MTTP: variants seen among roughly 807,000 people sequenced by gnomAD.
MTTP encodes microsomal triglyceride transfer protein.
Under a neutral mutation model 90.6 loss-of-function variants are expected in MTTP, and 49 were observed. The ratio of observed to expected loss-of-function variants is 0.54; its 90% CI spans 0.43 to 0.69. MTTP has a LOEUF of 0.69. MTTP is among the 30% of genes least tolerant of loss of function. The probability of loss-of-function intolerance (pLI) is 0.00; values close to 1 mark genes in which losing one functional copy is unlikely to be tolerated. For synonymous variants in MTTP, 347 were observed against 384.2 expected (o/e 0.90, Z 1.13); for missense variants, 945 against 1,067.5 (o/e 0.89, Z 1.60).
In MTTP at chr4:99,586,869, C is replaced by T. The variant is rs1036890450; in HGVS notation, c.394-2774C>T. 5.9e-5 allele frequency among the ~76,000 whole-genome samples: 9 copies of T among 152,252 alleles called. No homozygotes were observed. In the South Asian group the frequency reaches 1.9e-3, roughly 32 times the overall value. ...TGGAAGAGGCACTGTACCACCTTCC[C>T]AGCCATTTTACCCAGTCTCCCTCTA... On this transcript the variant is annotated intron_variant, in intron 3 of 17. Coordinates refer to ENST00000265517, the MANE Select transcript of MTTP (RefSeq NM_001386140.1).
Position 99,619,336 on chromosome 4 carries a change from A to G in MTTP, c.2342+238A>G, listed in dbSNP as rs140549441. ...AATTTTCCTGCTTTTAAAGACATAC[A>G]TAGACAGGATGCCCTGTGAATCAGA... On this transcript the variant is annotated intron_variant, in intron 16 of 17. Coordinates refer to ENST00000265517, the MANE Select transcript of MTTP (RefSeq NM_001386140.1). 5.2e-3 allele frequency among the ~76,000 whole-genome samples: 798 copies of G among 152,308 alleles called. 7 individuals are homozygous for G. Among genetic ancestry groups the G allele is most frequent in the African/African-American group, 0.018 (762 of 41,566 alleles).
intron 11 of MTTP, 58 bp from the exon 12 acceptor site, chr4:99,608,708 C>T (rs1486017778): frequency 8.7e-6 from 11 of 1,267,652 alleles, no homozygotes; most frequent in Non-Finnish European, 1.2e-5. Flanking sequence ...GCTATTCCTG[C>T]TGAAATGTCC....
Position 99,611,186 on chromosome 4 carries a change from TA to T in MTTP, c.1814del (p.Tyr605LeufsTer17), listed in dbSNP as rs1725943334. ...RVLKEMVAHN[Y>X]DRFSRSGSSS... Reference sequence around the variant, plus strand: ...TCTGAAGGAAATGGTCGCTCACAATTATGACCGTTTCTCCAGGAGTGGATCT... The same window carrying T: ...TCTGAAGGAAATGGTCGCTCACAATTTGACCGTTTCTCCAGGAGTGGATCT... On this transcript the variant is annotated frameshift_variant, in exon 13 of 18. Transcript: ENST00000265517. LOFTEE classifies it high-confidence loss of function. 6.2e-7 allele frequency: 1 copy of T among 1,614,112 alleles called. No individual in the cohort carries two copies. The highest frequency in any genetic ancestry group is 8.5e-7 in the Non-Finnish European group (1 of 1,179,992).
chr4:99,606,486 T>C (rs1487625356), intron 10 of MTTP, among the ~76,000 whole-genome samples: 1 of 152,210 alleles, frequency 6.6e-6, no homozygotes, highest in African/African-American at 2.4e-5. Context: ...ATATTCAAAA[T>C]GTGTTCAAAA....
intron 1 of MTTP, among the ~76,000 whole-genome samples, chr4:99,578,267 T>C (rs989500124): frequency 6.6e-6 from 1 of 152,272 alleles, no homozygotes; most frequent in Non-Finnish European, 1.5e-5. Context: ...TCTGACTTTT[T>C]TGGCTAATAT....
At chr4:99,569,057 C>T (rs1386792723) in intron 1 of MTTP, among the ~76,000 whole-genome samples, 1 of 152,046 alleles carries the variant, frequency 6.6e-6, no homozygotes, top group African/African-American at 2.4e-5. Flanking sequence ...TGAAGAAAAA[C>T]AATTAACTTT....
intron 5 of MTTP, 106 bp downstream of exon 5, chr4:99,591,457 G>A: frequency 6.8e-6 from 8 of 1,168,786 alleles, no homozygotes; most frequent in Non-Finnish European, 9.9e-6. Context: ...TGAAACATTT[G>A]TAATTTTTAG....
intron 1 of MTTP, among the ~76,000 whole-genome samples, chr4:99,580,664 C>G (rs35107102): frequency 6.6e-6 from 1 of 151,004 alleles, no homozygotes; most frequent in East Asian, 2.0e-4. Flanking sequence ...TTCTGTGTCC[C>G]CTCAGTCTCT....
At chr4:99,581,229 C>T (rs1225883772) in intron 1 of MTTP, among the ~76,000 whole-genome samples, 1 of 152,202 alleles carries the variant, frequency 6.6e-6, no homozygotes, top group Non-Finnish European at 1.5e-5. Context: ...TCTTGGCTCA[C>T]AGTACAGATT....
At chr4:99,620,554 T>C (rs1308551482) in intron 16 of MTTP, among the ~76,000 whole-genome samples, 2 of 152,210 alleles carry the variant, frequency 1.3e-5, no homozygotes, top group Non-Finnish European at 2.9e-5. Context: ...TTTTCAAATA[T>C]CTTGGCAATC....
At chr4:99,567,855 A>G (rs948909162) in intron 1 of MTTP, among the ~76,000 whole-genome samples, 2 of 152,172 alleles carry the variant, frequency 1.3e-5, no homozygotes, top group African/African-American at 4.8e-5. Flanking sequence ...TGGAAAAGAT[A>G]TTCTACCCAA....
At chr4:99,608,010 A>C (rs1725860626) in intron 11 of MTTP, among the ~76,000 whole-genome samples, 1 of 152,202 alleles carries the variant, frequency 6.6e-6, no homozygotes, top group South Asian at 2.1e-4. Flanking sequence ...GAGGTACTTC[A>C]TTGTAAGGAA....
chr4:99,575,717 A>G (rs1361925219), intron 1 of MTTP, among the ~76,000 whole-genome samples: 2 of 152,238 alleles, frequency 1.3e-5, no homozygotes, highest in African/African-American at 4.8e-5. Flanking sequence ...ATATAGAATC[A>G]TGTTTCAGAT....
At chr4:99,565,214 C>G (rs1724644910) in intron 1 of MTTP, among the ~76,000 whole-genome samples, 1 of 152,060 alleles carries the variant, frequency 6.6e-6, no homozygotes, top group South Asian at 2.1e-4. Flanking sequence ...TTCAGTTGCT[C>G]CTATGGGATC....
intron 17 of MTTP, 49 bp downstream of exon 17, chr4:99,621,280 A>C: frequency 6.3e-7 from 1 of 1,583,198 alleles, no homozygotes. Context: ...CCAGTGCACC[A>C]GGAACTTGCA....
chr4:99,606,096 A>C (rs1047852124), intron 10 of MTTP, among the ~76,000 whole-genome samples: 1 of 152,118 alleles, frequency 6.6e-6, no homozygotes, highest in Non-Finnish European at 1.5e-5. Context: ...AGATGTCCCT[A>C]TTTCTAATTT....
Position 99,613,093 on chromosome 4 carries a change from C to A in MTTP, c.2170C>A (p.Pro724Thr). The A allele has an allele frequency of 6.2e-7, 1 of 1,613,964 alleles. No homozygotes were observed. Among genetic ancestry groups the A allele is most frequent in the Non-Finnish European group, 8.5e-7 (1 of 1,179,950 alleles). ...MSKMLSASGD[P>T]ISVVKGLILL... ...CAAAATGCTGTCAGCATCTGGCGAC[C>A]CTATCAGTGTGGTGAAAGGACTTAT... The change falls in exon 15 of 18, where the codon CCT becomes ACT. Residue 724 changes from proline (P) to threonine (T), a missense_variant. By Grantham distance (38) the Pro-to-Thr change is conservative. Coordinates refer to ENST00000265517, the MANE Select transcript of MTTP (RefSeq NM_001386140.1).
At chr4:99,590,192 T>C (rs1273326656) in intron 4 of MTTP, among the ~76,000 whole-genome samples, 1 of 151,936 alleles carries the variant, frequency 6.6e-6, no homozygotes, top group Non-Finnish European at 1.5e-5. Flanking sequence ...GCCTCCCAGG[T>C]TCAAGCGATT....
Position 99,591,782 on chromosome 4 carries a change from A to G in MTTP, c.750A>G (p.Ile250Met). 6.2e-7 allele frequency: 1 copy of G among 1,611,744 alleles called. No homozygotes were observed. The highest frequency in any genetic ancestry group is 8.5e-7 in the Non-Finnish European group (1 of 1,178,196). The change falls in exon 6 of 18, where the codon ATA becomes ATG. Residue 250 changes from isoleucine (I) to methionine (M), a missense_variant. Physicochemically the swap from Ile to Met is conservative, Grantham distance 10. Transcript: ENST00000265517. ...LNFLQTIKGK[I>M]VSKQKLELKT... ...TCCTACAAACCATTAAGGGGAAAAT[A>G]GTATCGAAGTAAGATAATGCTAAAA...
Sources: allele counts gnomAD v4.1 joint callset (sites outside exome capture counted in the v4.1 genomes callset), GRCh38; gene constraint gnomAD v4.1.1; transcripts MANE v1.5; gene names NCBI Gene and HGNC (gene_info 2026-07-23, HGNC 2026-07-21).